NALF1: variants seen among roughly 807,000 people sequenced by gnomAD.
NALF1 encodes the protein NALCN channel auxiliary factor 1.
A neutral mutation model predicts 48.4 loss-of-function variants in NALF1; 3 were observed. The ratio of observed to expected loss-of-function variants is 0.06; its 90% confidence interval spans 0.03 to 0.16. The LOEUF (loss-of-function observed/expected upper bound fraction) is 0.16, where lower values mean the gene tolerates loss of function less well. NALF1 is among the 10% of genes least tolerant of loss of function. NALF1 has a pLI of 1.00. For synonymous variants in NALF1, 262 were observed against 245.7 expected (o/e 1.07, Z -0.62); for missense variants, 526 against 571.5 (o/e 0.92, Z 0.81).
intron 1 of NALF1, among the ~76,000 whole-genome samples, chr13:107,413,903 C>T (rs953072250): frequency 5.3e-5 from 8 of 152,154 alleles, no homozygotes; most frequent in African/African-American, 1.9e-4. Context: ...TCTCCTGCCT[C>T]AGTCTCCCAA....
chr13:107,671,758 A>T (rs1254593923), intron 1 of NALF1, among the ~76,000 whole-genome samples: 1 of 152,174 alleles, frequency 6.6e-6, no homozygotes, highest in Non-Finnish European at 1.5e-5. Flanking sequence ...AAATAATTAC[A>T]TGAAAAATGT....
chr13:107,437,096 C>T (rs1344352047), intron 1 of NALF1, among the ~76,000 whole-genome samples: 1 of 151,988 alleles, frequency 6.6e-6, no homozygotes, highest in Non-Finnish European at 1.5e-5. Context: ...AAGCAGACAC[C>T]TCACTAAAGA....
At chr13:107,357,282 C>T (rs1380650433) in intron 1 of NALF1, among the ~76,000 whole-genome samples, 1 of 152,018 alleles carries the variant, frequency 6.6e-6, no homozygotes, top group African/African-American at 2.4e-5. Flanking sequence ...GAGAAGAGAG[C>T]AAAGGGGGAA....
At chr13:107,204,407 T>C (rs981777645) in intron 2 of NALF1, among the ~76,000 whole-genome samples, 2 of 151,562 alleles carry the variant, frequency 1.3e-5, no homozygotes, top group Non-Finnish European at 2.9e-5. Context: ...TAGCCACTTG[T>C]GGAGGTGAGG....
At chr13:107,422,731 A>G (rs1317093756) in intron 1 of NALF1, among the ~76,000 whole-genome samples, 2 of 152,180 alleles carry the variant, frequency 1.3e-5, no homozygotes, top group Non-Finnish European at 2.9e-5. Flanking sequence ...TGATTAAGTT[A>G]GGATTTTGAG....
At chr13:107,397,747 C>T (rs1161608966) in intron 1 of NALF1, among the ~76,000 whole-genome samples, 1 of 151,982 alleles carries the variant, frequency 6.6e-6, no homozygotes, top group Non-Finnish European at 1.5e-5. Context: ...CCCTAGGTAC[C>T]TAAGCCCTGG....
At chr13:107,511,648 C>G (rs1162557802) in intron 1 of NALF1, among the ~76,000 whole-genome samples, 1 of 152,062 alleles carries the variant, frequency 6.6e-6, no homozygotes, top group Non-Finnish European at 1.5e-5. Flanking sequence ...AATGGAGAAA[C>G]TGAGGCAGGG....
At position 107,638,201 on chromosome 13, in the gene NALF1, A is replaced by ATATATATATATATATATGTATG. The variant is rs372122331; in HGVS notation, c.915+227480_915+227481insCATACATATATATATATATATA. The stretch of plus-strand genomic sequence containing the variant: ...TATATAAAGATTTATATATATATAT[A>ATATATATATATATATATGTATG]TATATAATTTAAGATGAACATTGGG... On this transcript the variant is annotated intron_variant, in intron 1 of 2. Coordinates refer to ENST00000375915, the MANE Select transcript of NALF1 (RefSeq NM_001080396.3). Among the ~76,000 whole-genome samples the ATATATATATATATATATGTATG allele has an allele frequency of 5.5e-3, 607 of 110,822 alleles. 34 individuals carry two copies. The highest frequency in any genetic ancestry group is 0.015 in the East Asian group (29 of 1,924). The allele number at this position is 110,822 out of a possible 152,430, so 72.7% of individuals were successfully genotyped here. A position where few individuals can be genotyped will look rare whatever the true frequency, so the allele number is the denominator to read the frequency against.
At chr13:107,740,685 T>C (rs551904205) in intron 1 of NALF1, among the ~76,000 whole-genome samples, 47 of 152,084 alleles carry the variant, frequency 3.1e-4, no homozygotes, top group African/African-American at 1.1e-3. Flanking sequence ...TTACTGAATG[T>C]GCTCACTTTG....
chr13:107,706,267 A>T (rs1881944498), intron 1 of NALF1, among the ~76,000 whole-genome samples: 1 of 152,160 alleles, frequency 6.6e-6, no homozygotes, highest in Non-Finnish European at 1.5e-5. Flanking sequence ...TATTAGTCAA[A>T]AATGCAGGCA....
At chr13:107,255,296 C>T (rs1337867488) in intron 1 of NALF1, among the ~76,000 whole-genome samples, 1 of 152,164 alleles carries the variant, frequency 6.6e-6, no homozygotes, top group Non-Finnish European at 1.5e-5. Flanking sequence ...CTTCATTTTC[C>T]ACAAGAAAGT....
chr13:107,321,456 G>C (rs1882253269), intron 1 of NALF1, among the ~76,000 whole-genome samples: 1 of 152,116 alleles, frequency 6.6e-6, no homozygotes, highest in African/African-American at 2.4e-5. Context: ...GTGAGTTGAA[G>C]AAAAAGCTAA....
At chr13:107,727,183 A>G (rs184063487) in intron 1 of NALF1, among the ~76,000 whole-genome samples, 1 of 152,294 alleles carries the variant, frequency 6.6e-6, no homozygotes, top group East Asian at 1.9e-4. Flanking sequence ...TTTTGCTAAA[A>G]GAGAAGCCCA....
At chr13:107,706,536 A>C (rs1344288217) in intron 1 of NALF1, among the ~76,000 whole-genome samples, 3 of 152,164 alleles carry the variant, frequency 2.0e-5, no homozygotes, top group Non-Finnish European at 4.4e-5. Context: ...CACCACCTAG[A>C]ACTGTTCTCA....
chr13:107,810,275 C>A (rs1878948067), intron 1 of NALF1, among the ~76,000 whole-genome samples: 1 of 152,002 alleles, frequency 6.6e-6, no homozygotes, highest in Non-Finnish European at 1.5e-5. Flanking sequence ...CATGTAATTG[C>A]CATTTTCCTG....
chr13:107,682,042 A>T (rs1881318062), intron 1 of NALF1, among the ~76,000 whole-genome samples: 1 of 152,174 alleles, frequency 6.6e-6, no homozygotes, highest in Non-Finnish European at 1.5e-5. Context: ...AACAGACATG[A>T]ATAAACCAGG....
intron 1 of NALF1, among the ~76,000 whole-genome samples, chr13:107,618,753 G>A (rs1879446929): frequency 6.6e-6 from 1 of 152,172 alleles, no homozygotes; most frequent in African/African-American, 2.4e-5. Flanking sequence ...TTAGGTGGCA[G>A]TGTCATTTAG....
chr13:107,704,498 T>C (rs1388490688), intron 1 of NALF1, among the ~76,000 whole-genome samples: 1 of 152,134 alleles, frequency 6.6e-6, no homozygotes, highest in African/African-American at 2.4e-5. Context: ...ATTGTGTACT[T>C]AACCTCCCAA....
At chr13:107,395,624 A>C (rs1883699784) in intron 1 of NALF1, among the ~76,000 whole-genome samples, 1 of 152,154 alleles carries the variant, frequency 6.6e-6, no homozygotes. Flanking sequence ...AAACTGCATT[A>C]GCTTGCTAGG....
Sources: gnomAD v4.1 joint callset for allele counts (sites outside exome capture counted in the v4.1 genomes callset) on GRCh38, gnomAD v4.1.1 for gene constraint, MANE v1.5 for transcripts, NCBI Gene and HGNC (gene_info 2026-07-23, HGNC 2026-07-21) for gene names.